DNM1L: variants seen among roughly 807,000 people sequenced by gnomAD.
DNM1L encodes dynamin 1L.
In DNM1L, 33 loss-of-function variants were observed where a neutral mutation model predicts 92.8. The observed-to-expected ratio is 0.36, with a 90% CI of 0.27 to 0.48. The LOEUF (loss-of-function observed/expected upper bound fraction) is 0.48. DNM1L is among the 20% of genes least tolerant of loss of function. The pLI is 0.99. For synonymous variants in DNM1L, 284 were observed against 305.0 expected (o/e 0.93, Z 0.72); for missense variants, 485 against 888.8 (o/e 0.55, Z 5.78).
At chr12:32,689,068 G>A (rs2137238358) in intron 1 of DNM1L, among the ~76,000 whole-genome samples, 1 of 152,170 alleles carries the variant, frequency 6.6e-6, no homozygotes, top group Non-Finnish European at 1.5e-5. Flanking sequence ...GTGAGACCTG[G>A]TCTCTTAAGA....
At chr12:32,680,010 C>T (rs1409240195) in intron 1 of DNM1L, 1 of 985,236 alleles carries the variant, frequency 1.0e-6, no homozygotes, top group Non-Finnish European at 1.2e-6. Context: ...CAGTGTTTTC[C>T]TGCAGTATAA....
At chr12:32,700,010 G>T (rs1952636635) in intron 1 of DNM1L, among the ~76,000 whole-genome samples, 1 of 152,074 alleles carries the variant, frequency 6.6e-6, no homozygotes, top group African/African-American at 2.4e-5. Context: ...AGTGAGTAAG[G>T]TTATATGTAT....
rs141658490 is a variant in DNM1L at position 32,736,186 on chromosome 12, C to T, written c.1540-919C>T. 8.8e-3 allele frequency among the ~76,000 whole-genome samples: 1,338 copies of T among 151,378 alleles called. 13 individuals are homozygous for T. The highest frequency in any genetic ancestry group is 0.03 in the African/African-American group (1,227 of 41,258). On this transcript the variant is annotated intron_variant, in intron 13 of 19. Coordinates refer to ENST00000549701, the MANE Select transcript of DNM1L (RefSeq NM_012062.5). ...TCCTGGGTTCAAGCAGTTCTCCTGCCGCAGCCTCCTGAGTAGCTGGGATTA... is the reference window on the plus strand; with the variant it reads ...TCCTGGGTTCAAGCAGTTCTCCTGCTGCAGCCTCCTGAGTAGCTGGGATTA...
At position 32,731,158 on chromosome 12, in the gene DNM1L, CTG is replaced by C. The variant is rs1415954799; in HGVS notation, c.1200+26_1200+27del. 1.2e-6 allele frequency: 2 copies of C among 1,613,458 alleles called. No individual in the cohort carries two copies. Among genetic ancestry groups the C allele is most frequent in the Non-Finnish European group, 8.5e-7 (1 of 1,179,878 alleles). ...CTGTGAGTATGTTTAGCTTTTTAGA[CTG>C]TAAAAAAAAATGAGGTTAAAGTTTT... On this transcript the variant is annotated intron_variant, in intron 10 of 19. Coordinates refer to ENST00000549701, the MANE Select transcript of DNM1L (RefSeq NM_012062.5). This position sits in a 1 kb window ranked among gnomAD's most constrained non-coding sequence, Gnocchi z 5.1.
intron 1 of DNM1L, chr12:32,679,771 A>T: frequency 9.3e-7 from 1 of 1,073,624 alleles, no homozygotes; most frequent in South Asian, 4.2e-5. Flanking sequence ...GCGGAACTGG[A>T]GTCCGCTGGG....
intron 9 of DNM1L, among the ~76,000 whole-genome samples, chr12:32,724,828 T>A (rs866032140): frequency 2.0e-5 from 3 of 151,292 alleles, no homozygotes; most frequent in Non-Finnish European, 4.4e-5. Context: ...TGTGAGCTTT[T>A]AATGAGAATG....
chr12:32,730,369 GAAACA>G (rs1320572816), intron 9 of DNM1L, among the ~76,000 whole-genome samples: 1 of 151,688 alleles, frequency 6.6e-6, no homozygotes, highest in Non-Finnish European at 1.5e-5. Context: ...GTCTCAAAAA[GAAACA>G]AAACAACAAA....
intron 13 of DNM1L, 185 bp from the exon 14 acceptor site, chr12:32,736,920 A>T: frequency 3.3e-6 from 2 of 611,908 alleles, no homozygotes; most frequent in African/African-American, 1.9e-5. Flanking sequence ...AAAAAAAAAG[A>T]TTAAGAAGCT....
chr12:32,705,681 A>G, intron 2 of DNM1L: 1 of 720,456 alleles, frequency 1.4e-6, no homozygotes, highest in Non-Finnish European at 2.3e-6. Flanking sequence ...CACTAACTTT[A>G]CTTTCGTCAG....
At chr12:32,711,366 G>A (rs78830244) in intron 5 of DNM1L, 16 of 263,880 alleles carry the variant, frequency 6.1e-5, no homozygotes, top group East Asian at 4.6e-4. Flanking sequence ...CTTTAACTAC[G>A]TAAGGCTCTG....
chr12:32,743,041 G>A (rs546686657), intron 19 of DNM1L, among the ~76,000 whole-genome samples: 30 of 151,394 alleles, frequency 2.0e-4, no homozygotes, highest in African/African-American at 7.0e-4. Context: ...GACTACAGGC[G>A]CCCACCACCA....
intron 12 of DNM1L, chr12:32,732,437 T>C (rs1280921568): frequency 1.3e-5 from 6 of 446,968 alleles, no homozygotes; most frequent in Non-Finnish European, 2.2e-5. Context: ...ATAAAAATGC[T>C]GAAATTGGCA....
chr12:32,741,111 T>TA (rs2137596973), intron 18 of DNM1L, among the ~76,000 whole-genome samples: 1 of 152,360 alleles, frequency 6.6e-6, no homozygotes, highest in Admixed American at 6.5e-5. Flanking sequence ...CACAGAGTAA[T>TA]AAACAGTCTA....
chr12:32,681,916 T>G (rs1951820321), intron 1 of DNM1L, among the ~76,000 whole-genome samples: 1 of 151,750 alleles, frequency 6.6e-6, no homozygotes, highest in Non-Finnish European at 1.5e-5. Flanking sequence ...ATTGCCTGAG[T>G]CCAGGAGTTT....
At position 32,745,481 on chromosome 12, in the gene DNM1L, A is replaced by G. The variant is rs1188368080; in HGVS notation, c.*2071A>G. 1.3e-5 allele frequency: 2 copies of G among 153,608 alleles called. No individual in the cohort carries two copies. Among genetic ancestry groups the G allele is most frequent in the Admixed American group, 1.3e-4 (2 of 15,328 alleles). The allele number at this position is 153,608 out of a possible 1,614,324, so 9.5% of individuals were successfully genotyped here. On this transcript the variant is annotated 3_prime_UTR_variant, in exon 20 of 20. Transcript: ENST00000549701. ...TAAACTGAGTCAAGATCTGAAATGT[A>G]GAGATGATCTCTGACGATACCTGTA...
chr12:32,717,374 ACTATATATAATATATAG>A (rs1953484546), intron 6 of DNM1L, among the ~76,000 whole-genome samples: 2 of 75,958 alleles, frequency 2.6e-5, no homozygotes, highest in Non-Finnish European at 4.7e-5. Flanking sequence ...TAATATATAT[ACTATATATAATATATAG>A]TATATATAAT....
At chr12:32,703,450 GCTT>G (rs1241990231) in intron 2 of DNM1L, among the ~76,000 whole-genome samples, 1 of 151,912 alleles carries the variant, frequency 6.6e-6, no homozygotes, top group African/African-American at 2.4e-5. Flanking sequence ...TTTCATCAAA[GCTT>G]CTTTATCCTT....
chr12:32,743,479 C>G lies in DNM1L; in HGVS notation c.*69C>G, dbSNP rs932150618. The G allele has an allele frequency of 4.1e-6, 6 of 1,450,892 alleles. No homozygotes were observed. Among genetic ancestry groups the G allele is most frequent in the Admixed American group, 1.7e-5 (1 of 59,078 alleles). The allele number at this position is 1,450,892 out of a possible 1,614,324, so 89.9% of individuals were successfully genotyped here. On this transcript the variant is annotated 3_prime_UTR_variant, in exon 20 of 20. Transcript: ENST00000549701. ...TAGTTACTGCCTACCTGAGTAGAATCTTATTTATGAACTCCTGTGTATTGC... is the reference window on the plus strand; with the variant it reads ...TAGTTACTGCCTACCTGAGTAGAATGTTATTTATGAACTCCTGTGTATTGC...
At chr12:32,730,625 A>G (rs1954495654) in intron 9 of DNM1L, among the ~76,000 whole-genome samples, 1 of 152,100 alleles carries the variant, frequency 6.6e-6, no homozygotes, top group Non-Finnish European at 1.5e-5. Flanking sequence ...CTAAAATACT[A>G]TGTGACCCTT....
Sources: gnomAD v4.1 joint callset for allele counts (sites outside exome capture counted in the v4.1 genomes callset) on GRCh38, gnomAD v4.1.1 for gene constraint, Gnocchi (gnomAD v3.1) non-coding constraint, MANE v1.5 for transcripts, NCBI Gene and HGNC (gene_info 2026-07-23, HGNC 2026-07-21) for gene names.